Variants in MAN1A2 observed in about 807,000 individuals in gnomAD.
MAN1A2 encodes mannosidase alpha class 1A member 2.
A neutral mutation model predicts 75.7 loss-of-function variants in MAN1A2; 26 were observed. The observed-to-expected ratio is 0.34, with a 90% CI of 0.25 to 0.48. MAN1A2 has a LOEUF of 0.48. MAN1A2 is among the 20% of genes least tolerant of loss of function. The probability of loss-of-function intolerance (pLI) is 0.99; values close to 1 mark genes in which losing one functional copy is unlikely to be tolerated. For missense variants in MAN1A2, 562 were observed against 775.5 expected, an observed-to-expected ratio of 0.72 and a Z score of 3.27; for synonymous variants, 247 against 264.6, an observed-to-expected ratio of 0.93 and a Z score of 0.65.
intron 3 of MAN1A2, among the ~76,000 whole-genome samples, chr1:117,407,520 C>T (rs557441664): frequency 6.6e-6 from 1 of 152,086 alleles, no homozygotes; most frequent in East Asian, 1.9e-4. Flanking sequence ...TGAACCTTTG[C>T]TTGCAATATT....
At position 117,525,150 on chromosome 1, in the gene MAN1A2, A is replaced by G. The variant is rs571650903; in HGVS notation, c.*2193A>G. 2.3e-5 allele frequency: 12 copies of G among 526,552 alleles called. No individual in the cohort carries two copies. The highest frequency in any genetic ancestry group is 1.4e-4 in the Admixed American group (7 of 50,710). The allele number at this position is 526,552 out of a possible 1,614,324, so 32.6% of individuals were successfully genotyped here. On this transcript the variant is annotated 3_prime_UTR_variant, in exon 13 of 13. Transcript: ENST00000356554. ...TCCAAGTGCTCTATTTGTATTACCC[A>G]GATGACTGAAGCTTAAGAGAAGGCA...
chr1:117,505,733 G>A (rs1651337432), intron 12 of MAN1A2, among the ~76,000 whole-genome samples: 1 of 151,162 alleles, frequency 6.6e-6, no homozygotes, highest in South Asian at 2.1e-4. Flanking sequence ...ATTTTTGGGA[G>A]TTGAGGGAGC....
intron 1 of MAN1A2, among the ~76,000 whole-genome samples, chr1:117,380,971 T>C (rs1302450366): frequency 2.0e-5 from 3 of 152,210 alleles, no homozygotes; most frequent in African/African-American, 7.2e-5. Context: ...ATCTTAATAA[T>C]AGTAAGTCCT....
rs565691205 is a variant in MAN1A2, at chr1:117,503,203, T to G, written c.1793+233T>G. Among the ~76,000 whole-genome samples, 11 of 151,722 alleles carry G rather than the reference T, an allele frequency of 7.3e-5. No individual in the cohort carries two copies. In the South Asian group the frequency reaches 2.1e-3, roughly 29 times the overall value. ...CCTGTTAAAATTTTTTGTTCTTTGC[T>G]CTTTAATGTGCATTAAAATCACCTG... is the stretch of plus-strand genomic sequence containing the variant. On this transcript the variant is annotated intron_variant, in intron 12 of 12. Coordinates refer to ENST00000356554, the MANE Select transcript of MAN1A2 (RefSeq NM_006699.5).
chr1:117,436,176 C>T (rs1178779334), intron 5 of MAN1A2, among the ~76,000 whole-genome samples: 2 of 152,096 alleles, frequency 1.3e-5, no homozygotes, highest in Non-Finnish European at 2.9e-5. Flanking sequence ...AAGTTGTTAA[C>T]TAGGTAAATG....
At chr1:117,371,878 A>G (rs1208549495) in intron 1 of MAN1A2, among the ~76,000 whole-genome samples, 1 of 151,690 alleles carries the variant, frequency 6.6e-6, no homozygotes, top group Non-Finnish European at 1.5e-5. Flanking sequence ...TCAGATGGTA[A>G]TATTCAAGCC....
intron 3 of MAN1A2, among the ~76,000 whole-genome samples, chr1:117,414,027 C>T (rs1344753571): frequency 1.3e-5 from 2 of 151,562 alleles, no homozygotes; most frequent in Non-Finnish European, 3.0e-5. Context: ...TCTCTTCCTC[C>T]CTTTCTCTCT....
intron 12 of MAN1A2, among the ~76,000 whole-genome samples, chr1:117,521,170 G>A (rs1428082889): frequency 6.6e-6 from 1 of 151,952 alleles, no homozygotes; most frequent in Admixed American, 6.6e-5. Context: ...AACATAAGAT[G>A]GATTAAGGAC....
intron 4 of MAN1A2, among the ~76,000 whole-genome samples, chr1:117,417,051 A>T (rs1281472803): frequency 1.3e-5 from 2 of 152,148 alleles, no homozygotes; most frequent in Non-Finnish European, 2.9e-5. Flanking sequence ...CCAGTCTTGT[A>T]TTGTCTTTTT....
rs570896368 is a variant in MAN1A2 at position 117,402,685 on chromosome 1, A to G, written c.558+244A>G. 3.9e-5 allele frequency among the ~76,000 whole-genome samples: 6 copies of G among 151,934 alleles called. No homozygotes were observed. The East Asian group carries it at 1.2e-3, about 29-fold the overall frequency. On this transcript the variant is annotated intron_variant, in intron 2 of 12. Transcript: ENST00000356554. ...AACTTTTGGATGGTTAGTGCCACTC[A>G]TTCTTTGTTCAGAGATCTTTTGAAA...
chr1:117,522,074 A>T (rs1651885046), intron 12 of MAN1A2, among the ~76,000 whole-genome samples: 1 of 151,750 alleles, frequency 6.6e-6, no homozygotes, highest in Non-Finnish European at 1.5e-5. Flanking sequence ...TACAAATATG[A>T]GGCAGTATGT....
At chr1:117,412,431 A>G (rs968309628) in intron 3 of MAN1A2, among the ~76,000 whole-genome samples, 3 of 151,574 alleles carry the variant, frequency 2.0e-5, no homozygotes, top group Non-Finnish European at 4.4e-5. Flanking sequence ...TTCTTCATGG[A>G]ACCATTTCTT....
At chr1:117,441,588 A>G (rs563503436) in intron 5 of MAN1A2, among the ~76,000 whole-genome samples, 16 of 152,272 alleles carry the variant, frequency 1.1e-4, no homozygotes, top group African/African-American at 2.9e-4. Context: ...AAATTTTTCT[A>G]TATACATCTT....
intron 6 of MAN1A2, among the ~76,000 whole-genome samples, chr1:117,450,505 CAG>C (rs1388394754): frequency 6.6e-6 from 1 of 152,202 alleles, no homozygotes; most frequent in Non-Finnish European, 1.5e-5. Flanking sequence ...GCATAAGTAA[CAG>C]GGAGCTGAAT....
At chr1:117,517,756 A>G (rs564737243) in intron 12 of MAN1A2, among the ~76,000 whole-genome samples, 1 of 152,018 alleles carries the variant, frequency 6.6e-6, no homozygotes, top group African/African-American at 2.4e-5. Flanking sequence ...ATGGCAAAAA[A>G]CTTTCCAAAC....
At chr1:117,429,973 G>A (rs1397063220) in intron 5 of MAN1A2, among the ~76,000 whole-genome samples, 22 of 71,204 alleles carry the variant, frequency 3.1e-4, no homozygotes, top group South Asian at 6.0e-4. Context: ...GCGGCTGGCC[G>A]GGCGGAGGGC....
intron 5 of MAN1A2, among the ~76,000 whole-genome samples, chr1:117,429,688 G>T (rs1294248831): frequency 1.9e-5 from 2 of 107,882 alleles, no homozygotes; most frequent in Non-Finnish European, 3.9e-5. Context: ...CCTGGACGGG[G>T]TGGCTGGCCG....
chr1:117,456,250 A>T (rs1649579399), intron 6 of MAN1A2, among the ~76,000 whole-genome samples: 1 of 152,084 alleles, frequency 6.6e-6, no homozygotes, highest in Non-Finnish European at 1.5e-5. Context: ...ATAAGGTAAA[A>T]CAATATGTTG....
At chr1:117,513,360 G>GT (rs1052531700) in intron 12 of MAN1A2, among the ~76,000 whole-genome samples, 4 of 151,602 alleles carry the variant, frequency 2.6e-5, no homozygotes, top group African/African-American at 4.8e-5. Context: ...TTTATGTTTG[G>GT]TTTTTTTTAC....
Sources: allele counts gnomAD v4.1 joint callset (sites outside exome capture counted in the v4.1 genomes callset), GRCh38; gene constraint gnomAD v4.1.1; transcripts MANE v1.5; gene names NCBI Gene and HGNC (gene_info 2026-07-23, HGNC 2026-07-21).